The following HEMK2 variants were observed in gnomAD, a reference collection of about 807,000 sequenced individuals.
HEMK2 encodes methyltransferase HEMK2.
At chr21:28,811,538 T>A in the HEMK2 span, among the ~76,000 whole-genome samples, 1 of 152,110 alleles carries the variant, frequency 6.6e-6, no homozygotes, top group African/African-American at 2.4e-5. Flanking sequence ...TGAATAATAA[T>A]CTTAACATTC....
At chr21:28,815,719 T>C in the HEMK2 span, among the ~76,000 whole-genome samples, 166 of 152,134 alleles carry the variant, frequency 1.1e-3, no homozygotes, top group African/African-American at 3.8e-3. Flanking sequence ...AATTACCAAA[T>C]ATTTGAGTAA....
At chr21:28,755,377 G>A in the HEMK2 span, among the ~76,000 whole-genome samples, 29,963 of 152,084 alleles carry the variant, frequency 0.2, 3,646 homozygotes, top group African/African-American at 0.34. Flanking sequence ...CTCTAGGCAC[G>A]CCACCTTATA....
chr21:28,852,449 A>G, the HEMK2 span, among the ~76,000 whole-genome samples: 1 of 152,168 alleles, frequency 6.6e-6, no homozygotes, highest in Non-Finnish European at 1.5e-5. Context: ...GAGAACGACA[A>G]TGACATTTTG....
chr21:28,814,859 AC>A, the HEMK2 span, among the ~76,000 whole-genome samples: 3 of 152,098 alleles, frequency 2.0e-5, no homozygotes, highest in African/African-American at 7.2e-5. Context: ...ATTCCATTTG[AC>A]CCAGCAATCC....
the HEMK2 span, among the ~76,000 whole-genome samples, chr21:28,751,299 T>C: frequency 6.6e-6 from 1 of 151,784 alleles, no homozygotes; most frequent in African/African-American, 2.4e-5. Flanking sequence ...AGTTACTCAC[T>C]ACCTAATACT....
chr21:28,641,033 A>G, the HEMK2 span, among the ~76,000 whole-genome samples: 1 of 152,128 alleles, frequency 6.6e-6, no homozygotes, highest in African/African-American at 2.4e-5. Flanking sequence ...GTTAAGAAAA[A>G]CTGACTAGTG....
chr21:28,729,313 G>A, the HEMK2 span, among the ~76,000 whole-genome samples: 16 of 152,282 alleles, frequency 1.1e-4, no homozygotes, highest in African/African-American at 3.9e-4. Flanking sequence ...AATGGGAGGG[G>A]TTTTAATAGG....
chr21:28,783,994 G>A, the HEMK2 span, among the ~76,000 whole-genome samples: 3,195 of 152,308 alleles, frequency 0.021, 127 homozygotes, highest in African/African-American at 0.072. Context: ...GCCTCCCTGC[G>A]GGGCAGGGCT....
At chr21:28,800,295 C>G in the HEMK2 span, among the ~76,000 whole-genome samples, 8 of 152,128 alleles carry the variant, frequency 5.3e-5, no homozygotes, top group Admixed American at 4.6e-4. Flanking sequence ...GATGGCTTCA[C>G]GTTGTAACAG....
At chr21:28,697,799 A>AAAAAAAAAC in the HEMK2 span, among the ~76,000 whole-genome samples, 2 of 151,002 alleles carry the variant, frequency 1.3e-5, no homozygotes, top group African/African-American at 4.9e-5. Flanking sequence ...AAAAAAAAAA[A>AAAAAAAAAC]TCTTTTCTTT....
At chr21:28,838,982 TATATATATATATATATATAC>T in the HEMK2 span, among the ~76,000 whole-genome samples, 16 of 54,150 alleles carry the variant, frequency 3.0e-4, no homozygotes, top group African/African-American at 1.1e-3. Context: ...AATATATATA[TATATATATATATATATATAC>T]ATATATATAC....
chr21:28,831,759 GAAAGAAAGAAAGAAAC>G, the HEMK2 span, among the ~76,000 whole-genome samples: 1 of 150,064 alleles, frequency 6.7e-6, no homozygotes, highest in East Asian at 2.0e-4. Context: ...AAGAAAGAAA[GAAAGAAAGAAAGAAAC>G]AGTATCACCT....
the HEMK2 span, among the ~76,000 whole-genome samples, chr21:28,618,449 T>C: frequency 6.6e-6 from 1 of 152,236 alleles, no homozygotes; most frequent in Non-Finnish European, 1.5e-5. Flanking sequence ...TTTACACTTC[T>C]AAATCATTCT....
chr21:28,822,768 A>C, the HEMK2 span, among the ~76,000 whole-genome samples: 1 of 152,158 alleles, frequency 6.6e-6, no homozygotes, highest in Non-Finnish European at 1.5e-5. Flanking sequence ...TGCCATAATG[A>C]CTTGATATAT....
the HEMK2 span, among the ~76,000 whole-genome samples, chr21:28,666,811 G>A: frequency 2.0e-5 from 3 of 152,094 alleles, no homozygotes; most frequent in Non-Finnish European, 2.9e-5. Flanking sequence ...AAATATAGTC[G>A]TTAGTTCTCA....
chr21:28,779,517 A>G, the HEMK2 span, among the ~76,000 whole-genome samples: 1 of 152,226 alleles, frequency 6.6e-6, no homozygotes, highest in African/African-American at 2.4e-5. Context: ...GTTAGGCAGA[A>G]GGAATAAGGC....
chr21:28,879,860 T>A, the HEMK2 span: 4 of 1,536,490 alleles, frequency 2.6e-6, no homozygotes, highest in Non-Finnish European at 3.5e-6. Context: ...AATTTTGTTG[T>A]ATGTTTTACC....
the HEMK2 span, among the ~76,000 whole-genome samples, chr21:28,657,132 G>C: frequency 6.6e-6 from 1 of 151,942 alleles, no homozygotes; most frequent in Non-Finnish European, 1.5e-5. Flanking sequence ...AACTATGTAT[G>C]TTTTTCTATT....
At chr21:28,677,124 G>C in the HEMK2 span, among the ~76,000 whole-genome samples, 2 of 152,260 alleles carry the variant, frequency 1.3e-5, no homozygotes, top group East Asian at 3.9e-4. Context: ...TAAGCGCAAG[G>C]GGTCAGGGAA....
Sources: allele counts gnomAD v4.1 joint callset (sites outside exome capture counted in the v4.1 genomes callset), GRCh38; gene constraint gnomAD v4.1.1; transcripts MANE v1.5; gene names NCBI Gene and HGNC (gene_info 2026-07-23, HGNC 2026-07-21).